Variants in SMARCA2 observed in about 807,000 individuals in gnomAD.
SMARCA2 encodes the protein SWI/SNF-related matrix-associated actin-dependent regulator of chromatin subfamily A member 2.
Under a neutral mutation model 199.8 loss-of-function variants are expected in SMARCA2, and 61 were observed. The observed-to-expected ratio is 0.31, with a 90% CI of 0.25 to 0.38. The LOEUF is 0.38. Ranked by LOEUF, SMARCA2 falls within the 10% of genes least tolerant of loss-of-function variation. The probability of loss-of-function intolerance (pLI) is 1.00; values close to 1 mark genes in which losing one functional copy is unlikely to be tolerated. For synonymous variants in SMARCA2, 935 were observed against 732.0 expected, an observed-to-expected ratio of 1.28 and a Z score of -4.48; for missense variants, 1,344 against 2,012.2, an observed-to-expected ratio of 0.67 and a Z score of 6.35.
At chr9:2,182,360 C>T (rs1368469883) in intron 31 of SMARCA2, 118 bp downstream of exon 31, 1 of 633,262 alleles carries the variant, frequency 1.6e-6, no homozygotes, top group Non-Finnish European at 2.7e-6. Context: ...AGAAAAATAA[C>T]TAAAAGCCTA....
intron 22 of SMARCA2, 26 bp downstream of exon 22, chr9:2,101,642 TA>T (rs760931422): frequency 7.3e-4 from 920 of 1,268,624 alleles, no homozygotes; most frequent in Admixed American, 1.1e-3. Flanking sequence ...TTTTTTCTTT[TA>T]AAAAAAAATG....
intron 27 of SMARCA2, among the ~76,000 whole-genome samples, chr9:2,125,254 T>G (rs1005602154): frequency 6.6e-6 from 1 of 152,202 alleles, no homozygotes; most frequent in Non-Finnish European, 1.5e-5. Flanking sequence ...ATAGAACATT[T>G]GTGTGATTAG....
At chr9:2,024,374 T>C (rs1818734945) in intron 1 of SMARCA2, among the ~76,000 whole-genome samples, 1 of 152,152 alleles carries the variant, frequency 6.6e-6, no homozygotes, top group African/African-American at 2.4e-5. Context: ...TATTTTTATC[T>C]TGTTGCTACT....
Position 2,170,345 on chromosome 9 carries a change from C to T in SMARCA2, c.4200-74C>T. 2 of 1,599,230 alleles carry T rather than the reference C, an allele frequency of 1.3e-6. No individual in the cohort carries two copies. Among genetic ancestry groups the T allele is most frequent in the Admixed American group, 1.7e-5 (1 of 59,054 alleles). On this transcript the variant is annotated intron_variant, in intron 28 of 33. Transcript: ENST00000349721. The surrounding 1 kb of genome is among the most constrained non-coding windows in gnomAD (Gnocchi z 4.7). ...ACTGAGGCTTGGCCAGGTCACCCAG[C>T]CTAGGAAGAAGGAGCCGGGCGGGGA... is the stretch of plus-strand genomic sequence containing the variant.
intron 28 of SMARCA2, among the ~76,000 whole-genome samples, chr9:2,163,186 A>G (rs187448746): frequency 6.6e-6 from 1 of 152,360 alleles, no homozygotes; most frequent in East Asian, 1.9e-4. Context: ...AAATGGGGAA[A>G]GAGGAGTAGG....
chr9:2,056,626 C>G lies in SMARCA2; in HGVS notation c.1174-46C>G. The stretch of plus-strand genomic sequence containing the variant: ...CGCGAGAAGGCCAGAGTTCAGGAAC[C>G]TAGCTTCTGTTAGGGAAGGCTGTCT... On this transcript the variant is annotated intron_variant, in intron 6 of 33. Transcript: ENST00000349721. This position sits in a 1 kb window ranked among gnomAD's most constrained non-coding sequence, Gnocchi z 4.0. 1 of 1,573,814 alleles carries G rather than the reference C, an allele frequency of 6.4e-7. No homozygotes were observed. Among genetic ancestry groups the G allele is most frequent in the Non-Finnish European group, 8.6e-7 (1 of 1,160,012 alleles).
At chr9:2,047,576 C>G in intron 5 of SMARCA2, 92 bp downstream of exon 5, 2 of 1,187,732 alleles carry the variant, frequency 1.7e-6, no homozygotes, top group Non-Finnish European at 2.1e-6. Context: ...CCTTGGTTGG[C>G]CAAACTGTGA....
At chr9:2,094,966 A>T (rs1476548326) in intron 19 of SMARCA2, among the ~76,000 whole-genome samples, 2 of 152,198 alleles carry the variant, frequency 1.3e-5, no homozygotes, top group Non-Finnish European at 2.9e-5. Flanking sequence ...CACAATGTTT[A>T]TGTATATCAA....
At chr9:2,026,461 T>C (rs1822746898) in intron 1 of SMARCA2, among the ~76,000 whole-genome samples, 2 of 152,250 alleles carry the variant, frequency 1.3e-5, no homozygotes, top group Non-Finnish European at 2.9e-5. Flanking sequence ...TATGGGACTA[T>C]GTATGAGTAA....
In SMARCA2 at chr9:2,086,787, T is replaced by C. The variant is rs201582051; in HGVS notation, c.2527-42T>C. 4 of 1,608,858 alleles carry C rather than the reference T, an allele frequency of 2.5e-6. No homozygotes were observed. The highest frequency in any genetic ancestry group is 3.4e-6 in the Non-Finnish European group (4 of 1,176,968). ...TTGCTTGTTGGAAATAGTTGTATTT[T>C]CCCTTGCTTACTACACGTCCGTCCT... is the stretch of plus-strand genomic sequence containing the variant. On this transcript the variant is annotated intron_variant, in intron 17 of 33. Transcript: ENST00000349721. The surrounding 1 kb of genome is among the most constrained non-coding windows in gnomAD (Gnocchi z 4.3).
intron 5 of SMARCA2, 98 bp downstream of exon 5, chr9:2,047,582 T>G (rs892117471): frequency 1.4e-5 from 17 of 1,180,620 alleles, no homozygotes; most frequent in Non-Finnish European, 1.7e-5. Context: ...TTGGCCAAAC[T>G]GTGATTTTCA....
intron 4 of SMARCA2, chr9:2,040,717 T>G (rs1192344515): frequency 6.6e-6 from 1 of 152,236 alleles, no homozygotes; most frequent in African/African-American, 2.4e-5. Context: ...ACTAACAGAT[T>G]CAACATGGCC....
intron 9 of SMARCA2, among the ~76,000 whole-genome samples, chr9:2,063,857 T>C (rs1820709154): frequency 6.6e-6 from 1 of 152,116 alleles, no homozygotes; most frequent in African/African-American, 2.4e-5. Flanking sequence ...GTTATGACCT[T>C]GTTTAATTTT....
At chr9:2,129,346 A>C (rs1217207312) in intron 27 of SMARCA2, among the ~76,000 whole-genome samples, 1 of 152,000 alleles carries the variant, frequency 6.6e-6, no homozygotes, top group East Asian at 1.9e-4. Context: ...TGAACCCGGG[A>C]GGCAGAGGTT....
intron 29 of SMARCA2, among the ~76,000 whole-genome samples, chr9:2,171,241 G>A (rs151144257): frequency 6.6e-6 from 1 of 152,060 alleles, no homozygotes; most frequent in Non-Finnish European, 1.5e-5. Flanking sequence ...CGGTCAACCT[G>A]TACTTAAAAA....
At chr9:2,050,492 A>G (rs1820070267) in intron 5 of SMARCA2, among the ~76,000 whole-genome samples, 1 of 152,128 alleles carries the variant, frequency 6.6e-6, no homozygotes, top group South Asian at 2.1e-4. Context: ...TGTATTTCAC[A>G]CTTGAAGGGG....
At chr9:2,186,912 T>A (rs1827498866) in intron 32 of SMARCA2, among the ~76,000 whole-genome samples, 1 of 152,230 alleles carries the variant, frequency 6.6e-6, no homozygotes, top group Non-Finnish European at 1.5e-5. Flanking sequence ...TATCTTCTCT[T>A]CTTTACCACG....
intron 28 of SMARCA2, among the ~76,000 whole-genome samples, chr9:2,163,130 A>G (rs759713405): frequency 2.0e-5 from 3 of 152,236 alleles, no homozygotes; most frequent in Non-Finnish European, 2.9e-5. Flanking sequence ...ACTTTCCACC[A>G]TGGGGTTTTG....
At chr9:2,072,932 C>A (rs541002629) in intron 10 of SMARCA2, among the ~76,000 whole-genome samples, 6 of 152,330 alleles carry the variant, frequency 3.9e-5, no homozygotes, top group African/African-American at 1.2e-4. Context: ...GGTTTCCACA[C>A]CCTTGCACTT....
Sources: gnomAD v4.1 joint callset for allele counts (sites outside exome capture counted in the v4.1 genomes callset) on GRCh38, gnomAD v4.1.1 for gene constraint, Gnocchi (gnomAD v3.1) non-coding constraint, MANE v1.5 for transcripts, NCBI Gene and HGNC (gene_info 2026-07-23, HGNC 2026-07-21) for gene names.